The following NBAS variants were observed in gnomAD, a reference collection of about 807,000 sequenced individuals.
The protein encoded by NBAS is NAG/BC035112 fusion.
Under a neutral mutation model 302.5 loss-of-function variants are expected in NBAS, and 219 were observed. That is an observed-to-expected ratio of 0.72 (90% confidence interval 0.65 to 0.81). The LOEUF (loss-of-function observed/expected upper bound fraction) is 0.81, where lower values mean the gene tolerates loss of function less well. Ranked by LOEUF, NBAS falls within the 30% of genes least tolerant of loss-of-function variation. NBAS has a pLI of 0.00. For synonymous variants in NBAS, 1,118 were observed against 1,021.6 expected (o/e 1.09, Z -1.80); for missense variants, 2,932 against 2,841.6 (o/e 1.03, Z -0.72).
At chr2:14,981,703 G>A in the NBAS span, among the ~76,000 whole-genome samples, 14 of 152,296 alleles carry the variant, frequency 9.2e-5, no homozygotes, top group African/African-American at 3.4e-4. Context: ...AAGCAGAGGT[G>A]TCTGCTATAT....
Position 15,550,704 on chromosome 2 carries a change from G to A in NBAS, c.379+789C>T, listed in dbSNP as rs532921351. On this transcript the variant is annotated intron_variant, in intron 6 of 51. Transcript: ENST00000281513. ...CAGGTTCAAGTGATTCTCCTGCCTC[G>A]GCCTCCCAAGTAGCTGGAATTACAG... is the stretch of plus-strand genomic sequence containing the variant. 1.7e-4 allele frequency among the ~76,000 whole-genome samples: 25 copies of A among 151,224 alleles called. No individual in the cohort carries two copies. In the East Asian group the frequency reaches 3.5e-3, roughly 21 times the overall value.
At chr2:15,022,222 C>T in the NBAS span, among the ~76,000 whole-genome samples, 1 of 152,152 alleles carries the variant, frequency 6.6e-6, no homozygotes, top group South Asian at 2.1e-4. Flanking sequence ...CATTCAGGTG[C>T]TATGAGGATT....
At chr2:15,053,678 T>C in the NBAS span, among the ~76,000 whole-genome samples, 2 of 151,518 alleles carry the variant, frequency 1.3e-5, no homozygotes, top group Admixed American at 1.3e-4. Context: ...GGGGTCCAGT[T>C]ATCAAAAAGA....
the NBAS span, among the ~76,000 whole-genome samples, chr2:14,787,579 G>A: frequency 6.6e-6 from 1 of 152,090 alleles, no homozygotes; most frequent in African/African-American, 2.4e-5. Flanking sequence ...CTTCACTTAT[G>A]AAGCTTAGTT....
chr2:15,461,328 C>G lies in NBAS; in HGVS notation c.2212G>C (p.Val738Leu). ...SARTYAQESN[V>L]QALEILFTYH... ...GTAAACAGAATTTCCAGGGCTTGTA[C>G]ATTACTTTCCTGTACAAAAGGCAAG... Residue 738 changes from valine (V) to leucine (L), a missense_variant, in exon 21 of 52, where the codon GTA (valine) becomes CTA (leucine). Physicochemically the swap from Val to Leu is conservative, Grantham distance 32 (BLOSUM62 1). Coordinates refer to ENST00000281513, the MANE Select transcript of NBAS (RefSeq NM_015909.4). The G allele has an allele frequency of 6.2e-7, 1 of 1,612,122 alleles. No individual in the cohort carries two copies. Among genetic ancestry groups the G allele is most frequent in the East Asian group, 2.2e-5 (1 of 44,828 alleles).
chr2:15,173,889 A>G (rs904086385), intron 51 of NBAS, among the ~76,000 whole-genome samples: 2 of 152,216 alleles, frequency 1.3e-5, no homozygotes, highest in African/African-American at 2.4e-5. Context: ...GAGATTATTC[A>G]TTTAAGCACA....
At chr2:15,018,439 T>G in the NBAS span, among the ~76,000 whole-genome samples, 1 of 151,974 alleles carries the variant, frequency 6.6e-6, no homozygotes, top group Non-Finnish European at 1.5e-5. Context: ...TTAAATAAAA[T>G]AATATATAAT....
the NBAS span, among the ~76,000 whole-genome samples, chr2:14,810,425 C>A: frequency 5.4e-4 from 82 of 152,322 alleles, no homozygotes; most frequent in African/African-American, 1.9e-3. Flanking sequence ...AGTTTCCCTG[C>A]ACAAGCTCTC....
chr2:15,441,735 C>T (rs893428777), intron 21 of NBAS, among the ~76,000 whole-genome samples: 8 of 152,114 alleles, frequency 5.3e-5, no homozygotes, highest in Non-Finnish European at 1.5e-5. Flanking sequence ...AGTCAAGACT[C>T]ATCAGTGTGC....
chr2:15,035,838 C>T, the NBAS span, among the ~76,000 whole-genome samples: 2 of 151,840 alleles, frequency 1.3e-5, no homozygotes, highest in African/African-American at 4.8e-5. Flanking sequence ...GAGGCCTGTC[C>T]GGGGTGGGAG....
At chr2:15,505,217 G>A (rs1048213007) in intron 10 of NBAS, among the ~76,000 whole-genome samples, 1 of 152,164 alleles carries the variant, frequency 6.6e-6, no homozygotes, top group Non-Finnish European at 1.5e-5. Context: ...GTGAGCAAAA[G>A]CAAATTGAAA....
At chr2:15,394,862 T>C in intron 27 of NBAS, among the ~76,000 whole-genome samples, 1 of 152,134 alleles carries the variant, frequency 6.6e-6, no homozygotes, top group East Asian at 1.9e-4. Flanking sequence ...ATAAGAATCT[T>C]CTTGAGATAT....
At chr2:15,465,892 C>T (rs2148569008) in intron 19 of NBAS, among the ~76,000 whole-genome samples, 1 of 152,158 alleles carries the variant, frequency 6.6e-6, no homozygotes, top group Non-Finnish European at 1.5e-5. Flanking sequence ...ATTAGAGAAA[C>T]TAAGGCTAAG....
the NBAS span, among the ~76,000 whole-genome samples, chr2:14,819,418 C>A: frequency 6.6e-6 from 1 of 152,284 alleles, no homozygotes; most frequent in African/African-American, 2.4e-5. Flanking sequence ...TTTTATGTAA[C>A]AGAAAATAGC....
intron 23 of NBAS, among the ~76,000 whole-genome samples, chr2:15,421,002 G>A (rs1020951221): frequency 1.3e-5 from 2 of 152,062 alleles, no homozygotes; most frequent in Non-Finnish European, 2.9e-5. Context: ...AACAGTAGAG[G>A]GAGGTACAGT....
intron 25 of NBAS, among the ~76,000 whole-genome samples, chr2:15,413,225 T>C (rs1233878999): frequency 6.6e-6 from 1 of 152,204 alleles, no homozygotes; most frequent in Non-Finnish European, 1.5e-5. Flanking sequence ...CTTGCTACAT[T>C]TTTTATATTG....
the NBAS span, chr2:14,890,857 A>C: frequency 1.0e-3 from 128 of 128,468 alleles, no homozygotes; most frequent in African/African-American, 5.0e-3. Context: ...ACAACAACAA[A>C]AAAAAACATG....
At chr2:15,549,285 G>T (rs1664262228) in intron 6 of NBAS, among the ~76,000 whole-genome samples, 1 of 152,126 alleles carries the variant, frequency 6.6e-6, no homozygotes, top group Non-Finnish European at 1.5e-5. Context: ...TTTTTTTAAT[G>T]ATCAATTTGC....
Position 15,457,055 on chromosome 2 carries a change from C to G in NBAS, c.2339+4146G>C, listed in dbSNP as rs183991665. Among the ~76,000 whole-genome samples the G allele has an allele frequency of 1.2e-3, 189 of 152,186 alleles. 1 individual carries two copies. Among genetic ancestry groups the G allele is most frequent in the Middle Eastern group, 6.8e-3 (2 of 294 alleles). On this transcript the variant is annotated intron_variant, in intron 21 of 51. Coordinates refer to ENST00000281513, the MANE Select transcript of NBAS (RefSeq NM_015909.4). Reference sequence around the variant, plus strand: ...CAGGATGACATGGGAGAAGGGCACACTAAATTAAAAAGACCCAGGGCAGGA... The same window carrying G: ...CAGGATGACATGGGAGAAGGGCACAGTAAATTAAAAAGACCCAGGGCAGGA...
Sources: allele counts gnomAD v4.1 joint callset (sites outside exome capture counted in the v4.1 genomes callset), GRCh38; gene constraint gnomAD v4.1.1; transcripts MANE v1.5; gene names NCBI Gene and HGNC (gene_info 2026-07-23, HGNC 2026-07-21).